TMEM65: variants seen among roughly 807,000 people sequenced by gnomAD.
TMEM65 encodes the protein transmembrane protein 65.
TMEM65 carries 22 observed loss-of-function variants against 25.4 expected under a neutral mutation model. The ratio of observed to expected loss-of-function variants is 0.86; its 90% CI spans 0.62 to 1.23. The LOEUF (loss-of-function observed/expected upper bound fraction) is 1.23, where lower values mean the gene tolerates loss of function less well. Ranked by LOEUF, TMEM65 falls within the 50% of genes most tolerant of loss-of-function variation. The pLI is 0.00. For synonymous variants in TMEM65, 132 were observed against 126.2 expected, an observed-to-expected ratio of 1.05 and a Z score of -0.31; for missense variants, 262 against 308.2, an observed-to-expected ratio of 0.85 and a Z score of 1.12.
chr8:124,364,667 T>C (rs961212631), intron 1 of TMEM65, among the ~76,000 whole-genome samples: 1 of 152,346 alleles, frequency 6.6e-6, no homozygotes, highest in Middle Eastern at 3.4e-3. Flanking sequence ...TTAGGAGAAA[T>C]GATTTTGTTA....
chr8:124,348,008 G>A lies in TMEM65; in HGVS notation c.305-17216C>T, dbSNP rs944958757. On this transcript the variant is annotated intron_variant, in intron 1 of 6. Coordinates refer to ENST00000297632, the MANE Select transcript of TMEM65 (RefSeq NM_194291.3). The stretch of plus-strand genomic sequence containing the variant: ...CAGGTTCAAGCGATTCTCCTGCCTC[G>A]GTGTCCCGAGAAGCTGGGGTTACAG... Among the ~76,000 whole-genome samples, 7 of 151,550 alleles carry A rather than the reference G, an allele frequency of 4.6e-5. No individual in the cohort carries two copies. In the East Asian group the frequency reaches 5.8e-4, roughly 13 times the overall value.
rs1458272496 is a variant in TMEM65 at position 124,333,262 on chromosome 8, T to C, written c.305-2470A>G. 2.0e-5 allele frequency among the ~76,000 whole-genome samples: 3 copies of C among 151,902 alleles called. No homozygotes were observed. The South Asian group carries it at 6.2e-4, about 32-fold the overall frequency. On this transcript the variant is annotated intron_variant, in intron 1 of 6. Coordinates refer to ENST00000297632, the MANE Select transcript of TMEM65 (RefSeq NM_194291.3). ...GATCTGTATGGGTTTTAAAATGTAA[T>C]TACTGCCAGTATAACATCCCTGAAA...
At chr8:124,345,629 T>G (rs970190271) in intron 1 of TMEM65, among the ~76,000 whole-genome samples, 1 of 152,248 alleles carries the variant, frequency 6.6e-6, no homozygotes, top group Non-Finnish European at 1.5e-5. Flanking sequence ...TTTGTCATTT[T>G]CATGTTGAAT....
intron 1 of TMEM65, among the ~76,000 whole-genome samples, chr8:124,370,142 T>C (rs1276493298): frequency 2.6e-5 from 4 of 152,140 alleles, no homozygotes; most frequent in Non-Finnish European, 5.9e-5. Flanking sequence ...ATTATCTTTA[T>C]TAGGAAATGT....
At chr8:124,323,568 CA>C (rs1814332432) in intron 3 of TMEM65, among the ~76,000 whole-genome samples, 193 bp from the exon 4 acceptor site, 1 of 151,776 alleles carries the variant, frequency 6.6e-6, no homozygotes, top group African/African-American at 2.4e-5. Context: ...GAAATAACAT[CA>C]ATAACATTTT....
intron 1 of TMEM65, among the ~76,000 whole-genome samples, chr8:124,370,002 G>GAGAATTTAAATT (rs1814991552): frequency 6.6e-6 from 1 of 152,126 alleles, no homozygotes; most frequent in Non-Finnish European, 1.5e-5. Context: ...GAGCAAAGAA[G>GAGAATTTAAATT]ACAATTTAAA....
chr8:124,314,671 C>T (rs1814211266), intron 6 of TMEM65, among the ~76,000 whole-genome samples: 2 of 152,124 alleles, frequency 1.3e-5, no homozygotes, highest in Admixed American at 1.3e-4. Context: ...CCCTTTGTCA[C>T]CTAGGCTGGA....
chr8:124,357,105 T>C (rs909641400), intron 1 of TMEM65, among the ~76,000 whole-genome samples: 1 of 151,710 alleles, frequency 6.6e-6, no homozygotes, highest in African/African-American at 2.4e-5. Flanking sequence ...CTCTCTCTCT[T>C]TCTAGTTCTT....
chr8:124,321,723 T>C (rs1052254792), intron 5 of TMEM65, among the ~76,000 whole-genome samples: 3 of 152,150 alleles, frequency 2.0e-5, no homozygotes, highest in Non-Finnish European at 1.5e-5. Context: ...TTCCTTTTAC[T>C]CCTGTCTTAC....
At chr8:124,320,303 C>T (rs1253531129) in intron 5 of TMEM65, 112 bp from the exon 6 acceptor site, 1 of 658,736 alleles carries the variant, frequency 1.5e-6, no homozygotes, top group Admixed American at 3.5e-5. Context: ...TTTAAAAAGA[C>T]ATGCAAATGT....
chr8:124,371,554 C>A (rs1168177830), intron 1 of TMEM65, among the ~76,000 whole-genome samples: 1 of 152,234 alleles, frequency 6.6e-6, no homozygotes, highest in Non-Finnish European at 1.5e-5. Flanking sequence ...TCAATCCCAA[C>A]AGCGTTAACT....
At chr8:124,360,429 CAAAAAAAAA>C (rs55829098) in intron 1 of TMEM65, among the ~76,000 whole-genome samples, 1 of 70,636 alleles carries the variant, frequency 1.4e-5, no homozygotes, top group Admixed American at 1.8e-4. Context: ...GACTCTGTCA[CAAAAAAAAA>C]AAAAAAAAAA....
At chr8:124,361,550 T>G (rs1038673695) in intron 1 of TMEM65, among the ~76,000 whole-genome samples, 4 of 151,298 alleles carry the variant, frequency 2.6e-5, no homozygotes, top group African/African-American at 9.7e-5. Context: ...AGCAAGATTT[T>G]GGGCCGGGCA....
chr8:124,364,502 C>T (rs1814913652), intron 1 of TMEM65, among the ~76,000 whole-genome samples: 1 of 152,078 alleles, frequency 6.6e-6, no homozygotes, highest in Non-Finnish European at 1.5e-5. Context: ...GAAGTAACCT[C>T]AAAGAAACTT....
At chr8:124,319,883 T>A (rs1444534762) in intron 6 of TMEM65, among the ~76,000 whole-genome samples, 5 of 152,184 alleles carry the variant, frequency 3.3e-5, no homozygotes, top group Non-Finnish European at 7.3e-5. Flanking sequence ...ACAAAATATT[T>A]TTTAAAAATT....
At chr8:124,320,851 G>A (rs1814295716) in intron 5 of TMEM65, among the ~76,000 whole-genome samples, 1 of 152,126 alleles carries the variant, frequency 6.6e-6, no homozygotes, top group African/African-American at 2.4e-5. Context: ...TGCCTAAAAT[G>A]TGGTATTTGT....
chr8:124,369,755 G>A (rs1213696729), intron 1 of TMEM65, among the ~76,000 whole-genome samples: 1 of 152,162 alleles, frequency 6.6e-6, no homozygotes, highest in Non-Finnish European at 1.5e-5. Context: ...TTTCCTAAGT[G>A]ATGATTCTAG....
intron 1 of TMEM65, among the ~76,000 whole-genome samples, chr8:124,347,011 C>A (rs933000960): frequency 6.6e-6 from 1 of 151,926 alleles, no homozygotes; most frequent in Non-Finnish European, 1.5e-5. Flanking sequence ...TTAAGCAAAT[C>A]AAATGCCAAA....
intron 6 of TMEM65, among the ~76,000 whole-genome samples, 192 bp downstream of exon 6, chr8:124,319,894 A>C (rs1376356891): frequency 1.3e-5 from 2 of 152,216 alleles, no homozygotes; most frequent in Non-Finnish European, 2.9e-5. Context: ...TTTAAAAATT[A>C]AGTATACCTA....
Sources: allele counts gnomAD v4.1 joint callset (sites outside exome capture counted in the v4.1 genomes callset), GRCh38; gene constraint gnomAD v4.1.1; transcripts MANE v1.5; gene names NCBI Gene and HGNC (gene_info 2026-07-23, HGNC 2026-07-21).